The following LNPK variants were observed in gnomAD, a reference collection of about 807,000 sequenced individuals.
LNPK encodes lunapark, ER junction formation factor, also known as endoplasmic reticulum junction formation protein lunapark.
Under a neutral mutation model 55.2 loss-of-function variants are expected in LNPK, and 29 were observed. The observed-to-expected ratio is 0.53, with a 90% CI of 0.39 to 0.72. LNPK has a LOEUF of 0.72. Ranked by LOEUF, LNPK falls within the 30% of genes least tolerant of loss-of-function variation. The pLI is 0.00. For synonymous variants in LNPK, 162 were observed against 168.2 expected, an observed-to-expected ratio of 0.96 and a Z score of 0.29; for missense variants, 467 against 494.8, an observed-to-expected ratio of 0.94 and a Z score of 0.53.
intron 8 of LNPK, among the ~76,000 whole-genome samples, chr2:175,962,358 A>G (rs1196806740): frequency 6.6e-6 from 1 of 152,196 alleles, no homozygotes; most frequent in African/African-American, 2.4e-5. Flanking sequence ...CAACAGATAT[A>G]TAGACCAATG....
intron 9 of LNPK, among the ~76,000 whole-genome samples, chr2:175,945,098 C>T (rs1027309414): frequency 1.6e-4 from 25 of 151,890 alleles, no homozygotes; most frequent in African/African-American, 5.5e-4. Context: ...GAGGTTTCAC[C>T]GCGTTAGTCA....
chr2:175,938,218 G>C, intron 11 of LNPK, 95 bp downstream of exon 11: 1 of 743,570 alleles, frequency 1.3e-6, no homozygotes, highest in Non-Finnish European at 2.3e-6. Flanking sequence ...TATACAAAGA[G>C]AGTATATAAA....
intron 8 of LNPK, among the ~76,000 whole-genome samples, chr2:175,963,319 T>C (rs985367924): frequency 1.3e-5 from 2 of 152,144 alleles, no homozygotes; most frequent in African/African-American, 4.8e-5. Flanking sequence ...TGCCCAACAA[T>C]GATTGACTGG....
chr2:175,983,031 A>T lies in LNPK; in HGVS notation c.258-3163T>A, dbSNP rs74491837. The stretch of plus-strand genomic sequence containing the variant: ...GTGGAGGCACTCTCAAAAGCAATGG[A>T]GATTATTACACAGGGGCTCCAAAAA... On this transcript the variant is annotated intron_variant, in intron 4 of 12. Coordinates refer to ENST00000272748, the MANE Select transcript of LNPK (RefSeq NM_030650.3). Among the ~76,000 whole-genome samples the T allele has an allele frequency of 5.4e-3, 825 of 152,342 alleles. 6 individuals carry two copies. The highest frequency in any genetic ancestry group is 0.019 in the African/African-American group (788 of 41,576).
At chr2:175,951,595 A>ATC (rs1685413652) in intron 8 of LNPK, among the ~76,000 whole-genome samples, 1 of 97,482 alleles carries the variant, frequency 1.0e-5, no homozygotes, top group Non-Finnish European at 2.4e-5. Context: ...ATATATATAT[A>ATC]TATATATATA....
At chr2:175,968,854 A>C (rs1490220890) in intron 6 of LNPK, among the ~76,000 whole-genome samples, 1 of 152,134 alleles carries the variant, frequency 6.6e-6, no homozygotes, top group East Asian at 1.9e-4. Context: ...CCCCGCCTCT[A>C]CTAAAAATAC....
chr2:175,999,125 T>G (rs367833541), intron 1 of LNPK, among the ~76,000 whole-genome samples: 21 of 152,234 alleles, frequency 1.4e-4, no homozygotes, highest in East Asian at 7.7e-4. Flanking sequence ...TTCTATCAAA[T>G]TCTGATATTA....
At chr2:175,985,387 G>C (rs1687356775) in intron 4 of LNPK, among the ~76,000 whole-genome samples, 1 of 152,192 alleles carries the variant, frequency 6.6e-6, no homozygotes, top group Non-Finnish European at 1.5e-5. Flanking sequence ...TCCGTGGATT[G>C]AAGCAATGTC....
At chr2:175,932,177 G>T (rs1406415365) in intron 12 of LNPK, 2 of 455,016 alleles carry the variant, frequency 4.4e-6, no homozygotes, top group Middle Eastern at 3.2e-4. Context: ...AACAGGAGAG[G>T]TATCAAAATT....
chr2:175,947,202 T>TTC (rs1685174138), intron 9 of LNPK, among the ~76,000 whole-genome samples: 3 of 152,326 alleles, frequency 2.0e-5, no homozygotes, highest in African/African-American at 7.2e-5. Flanking sequence ...TATAAAAAGA[T>TTC]ATGCTGTACT....
At chr2:175,988,655 CAA>C (rs1325641135) in intron 4 of LNPK, among the ~76,000 whole-genome samples, 1 of 151,646 alleles carries the variant, frequency 6.6e-6, no homozygotes, top group East Asian at 1.9e-4. Flanking sequence ...AAAATAGTAA[CAA>C]TGATTTATTT....
intron 1 of LNPK, among the ~76,000 whole-genome samples, chr2:175,997,686 C>T (rs1398856538): frequency 1.5e-5 from 2 of 136,938 alleles, no homozygotes; most frequent in East Asian, 2.3e-4. Context: ...TCATTTCTAG[C>T]GGCCCTAAAA....
intron 2 of LNPK, among the ~76,000 whole-genome samples, chr2:175,994,804 T>C (rs1222947579): frequency 6.6e-6 from 1 of 152,236 alleles, no homozygotes; most frequent in Non-Finnish European, 1.5e-5. Context: ...GCATTTCTAA[T>C]TTTGTTTAAC....
intron 6 of LNPK, among the ~76,000 whole-genome samples, chr2:175,969,350 T>C (rs571638407): frequency 5.3e-5 from 8 of 152,336 alleles, no homozygotes; most frequent in Non-Finnish European, 8.8e-5. Context: ...TTAAAGGCTA[T>C]TTAAAAAGTA....
At chr2:175,944,149 ATAGT>A (rs906556068) in intron 9 of LNPK, among the ~76,000 whole-genome samples, 1 of 152,166 alleles carries the variant, frequency 6.6e-6, no homozygotes, top group African/African-American at 2.4e-5. Flanking sequence ...CCAGTTGGAA[ATAGT>A]TAATAAAACA....
upstream of LNPK, chr2:176,002,330 G>C (rs781698246): frequency 9.5e-6 from 4 of 421,356 alleles, no homozygotes; most frequent in African/African-American, 2.1e-5. Context: ...TGGCGCCGCG[G>C]TCGGCGCGCG....
intron 10 of LNPK, 134 bp from the exon 11 acceptor site, chr2:175,938,517 G>A (rs910670948): frequency 1.1e-5 from 5 of 452,984 alleles, no homozygotes; most frequent in African/African-American, 2.0e-5. Flanking sequence ...ATGAGACTTA[G>A]TAAACAACAA....
intron 2 of LNPK, among the ~76,000 whole-genome samples, chr2:175,994,499 C>G (rs1176873455): frequency 1.3e-5 from 2 of 152,070 alleles, no homozygotes; most frequent in African/African-American, 4.8e-5. Flanking sequence ...TCTCCTCTTA[C>G]TTTTGAAAAG....
Position 175,992,304 on chromosome 2 carries a change from A to G in LNPK, c.184T>C (p.Tyr62His). ...VLYLFTCLIV[Y>H]LWYLPDEFTA... ...AATTCATCAGGAAGATACCACAAATATACAATTAAGCATGTAAACAGATAG... is the reference window on the plus strand; with the variant it reads ...AATTCATCAGGAAGATACCACAAATGTACAATTAAGCATGTAAACAGATAG... Residue 62 changes from tyrosine (Y) to histidine (H), a missense_variant, in exon 4 of 13, where the codon TAT becomes CAT. Coordinates refer to ENST00000272748, the MANE Select transcript of LNPK (RefSeq NM_030650.3). 6.4e-7 allele frequency: 1 copy of G among 1,574,688 alleles called. No homozygotes were observed. Among genetic ancestry groups the G allele is most frequent in the Non-Finnish European group, 8.6e-7 (1 of 1,166,680 alleles).
Sources: allele counts gnomAD v4.1 joint callset (sites outside exome capture counted in the v4.1 genomes callset), GRCh38; gene constraint gnomAD v4.1.1; transcripts MANE v1.5; gene names NCBI Gene and HGNC (gene_info 2026-07-23, HGNC 2026-07-21).